LHFPL1: variants seen among roughly 807,000 people sequenced by gnomAD.
The protein encoded by LHFPL1 is LHFPL tetraspan subfamily member 1, also known as LHFPL tetraspan subfamily member 1 protein.
A neutral mutation model predicts 12.1 loss-of-function variants in LHFPL1; 4 were observed. The observed-to-expected ratio is 0.33, with a 90% CI of 0.16 to 0.76. The LOEUF is 0.76. Ranked by LOEUF, LHFPL1 falls within the 30% of genes least tolerant of loss-of-function variation. The probability of loss-of-function intolerance (pLI) is 0.61; values close to 1 mark genes in which losing one functional copy is unlikely to be tolerated. For missense variants in LHFPL1, 141 were observed against 174.1 expected, an observed-to-expected ratio of 0.81 and a Z score of 1.07; for synonymous variants, 52 against 61.9, an observed-to-expected ratio of 0.84 and a Z score of 0.75.
chrX:112,645,734 T>C (rs1930666514), intron 3 of LHFPL1, among the ~76,000 whole-genome samples: 1 of 112,122 alleles, frequency 8.9e-6, no homozygotes, highest in African/African-American at 3.2e-5. Flanking sequence ...ATCAAGTCCA[T>C]AAAATCTTCA....
chrX:112,664,611 G>T (rs1234495276), intron 2 of LHFPL1, among the ~76,000 whole-genome samples: 3 of 106,368 alleles, frequency 2.8e-5, no homozygotes, highest in Non-Finnish European at 5.8e-5. Flanking sequence ...CTCCCTTTTA[G>T]ACAGGTGAGC....
At chrX:112,654,340 A>C (rs1418104324) in intron 3 of LHFPL1, among the ~76,000 whole-genome samples, 2 of 111,240 alleles carry the variant, frequency 1.8e-5, no homozygotes, top group Non-Finnish European at 3.8e-5. Context: ...CACAGACAAA[A>C]ATCTATGCCC....
chrX:112,675,576 A>G (rs1228827595), intron 1 of LHFPL1, among the ~76,000 whole-genome samples: 3 of 112,483 alleles, frequency 2.7e-5, no homozygotes, highest in African/African-American at 9.7e-5. Flanking sequence ...GTCCTTCAGA[A>G]TTTAGATGAA....
chrX:112,663,403 C>T (rs1428449119), intron 2 of LHFPL1, among the ~76,000 whole-genome samples: 2 of 111,437 alleles, frequency 1.8e-5, no homozygotes, highest in African/African-American at 6.5e-5. Flanking sequence ...AGAGTATGCA[C>T]AGTCTATATA....
chrX:112,666,304 C>A (rs1413055234), intron 2 of LHFPL1, among the ~76,000 whole-genome samples: 1 of 110,926 alleles, frequency 9.0e-6, no homozygotes, highest in Non-Finnish European at 1.9e-5. Flanking sequence ...CACTTACCAC[C>A]CCCCCAGCCC....
At position 112,631,649 on chromosome X, in the gene LHFPL1, T is replaced by A. The variant is rs745625702; in HGVS notation, c.482-48A>T. On this transcript the variant is annotated intron_variant, in intron 3 of 3. Transcript: ENST00000371968. ...TGAGGATTGGGTTGTCTTTTCATAT[T>A]TTCTCTTTGGTAATGAACTATAGAA... The A allele has an allele frequency of 1.4e-5, 13 of 961,005 alleles. No individual in the cohort carries two copies. In the South Asian group the frequency reaches 2.9e-4, roughly 21 times the overall value. 79.2% of individuals were successfully genotyped at this position (961,005 alleles called of 1,213,427 possible).
intron 3 of LHFPL1, among the ~76,000 whole-genome samples, chrX:112,652,648 G>A (rs1012824903): frequency 8.9e-6 from 1 of 111,821 alleles, no homozygotes; most frequent in African/African-American, 3.2e-5. Context: ...TGATAGCTAA[G>A]ATCTATTTTG....
chrX:112,674,259 A>T (rs1439705613), intron 1 of LHFPL1, among the ~76,000 whole-genome samples: 1 of 111,659 alleles, frequency 9.0e-6, no homozygotes, highest in South Asian at 3.7e-4. Flanking sequence ...ATGAAACTGG[A>T]TCCTTATCTC....
intron 3 of LHFPL1, among the ~76,000 whole-genome samples, chrX:112,647,383 C>T (rs1234341214): frequency 2.7e-5 from 3 of 111,801 alleles, no homozygotes; most frequent in Non-Finnish European, 5.6e-5. Context: ...TCAGAGTGAA[C>T]AGGCAACCTA....
At chrX:112,635,155 G>A (rs1362908201) in intron 3 of LHFPL1, among the ~76,000 whole-genome samples, 1 of 111,962 alleles carries the variant, frequency 8.9e-6, no homozygotes, top group Non-Finnish European at 1.9e-5. Flanking sequence ...TTGCCTTTTA[G>A]TGAAGTCCTA....
chrX:112,641,405 G>T (rs779507791), intron 3 of LHFPL1, among the ~76,000 whole-genome samples: 1 of 112,014 alleles, frequency 8.9e-6, no homozygotes, highest in Non-Finnish European at 1.9e-5. Context: ...AGAAAATAGA[G>T]ACTGAGCCCA....
At chrX:112,634,635 G>A (rs773077164) in intron 3 of LHFPL1, among the ~76,000 whole-genome samples, 33 of 111,743 alleles carry the variant, frequency 3.0e-4, no homozygotes, top group African/African-American at 1.1e-3. Context: ...TTAGCCCAAA[G>A]CCCTAGGCAG....
chrX:112,654,360 ATGT>A (rs1292588506), intron 3 of LHFPL1, among the ~76,000 whole-genome samples: 1 of 111,125 alleles, frequency 9.0e-6, no homozygotes, highest in Admixed American at 9.6e-5. Flanking sequence ...CTCACAGAGC[ATGT>A]TATTATGTTA....
intron 3 of LHFPL1, among the ~76,000 whole-genome samples, chrX:112,656,684 C>T (rs932914736): frequency 2.7e-5 from 3 of 112,210 alleles, no homozygotes; most frequent in Admixed American, 1.9e-4. Flanking sequence ...GGATACAAGG[C>T]CAACATGCAA....
intron 2 of LHFPL1, chrX:112,661,815 G>A (rs1192678603): frequency 1.8e-5 from 2 of 112,370 alleles, no homozygotes; most frequent in Non-Finnish European, 3.7e-5. Context: ...CTAGTTAACA[G>A]ATAATGCAGA....
intron 2 of LHFPL1, among the ~76,000 whole-genome samples, chrX:112,664,020 A>T (rs1931261710): frequency 8.9e-6 from 1 of 112,155 alleles, no homozygotes. Context: ...ACCTGTGCAT[A>T]CTCAAATCCC....
chrX:112,649,320 T>C (rs1930786564), intron 3 of LHFPL1, among the ~76,000 whole-genome samples: 1 of 112,438 alleles, frequency 8.9e-6, no homozygotes. Context: ...CTTCTTTTTA[T>C]CTGTCATCTG....
intron 2 of LHFPL1, among the ~76,000 whole-genome samples, chrX:112,661,133 C>A (rs910784036): frequency 1.8e-5 from 2 of 110,968 alleles, no homozygotes; most frequent in African/African-American, 3.3e-5. Flanking sequence ...CAGGCAGGTC[C>A]CTACCAGCTG....
intron 3 of LHFPL1, among the ~76,000 whole-genome samples, chrX:112,634,913 C>G (rs778884372): frequency 3.8e-5 from 4 of 104,224 alleles, no homozygotes; most frequent in Non-Finnish European, 5.9e-5. Flanking sequence ...CCCCACAACT[C>G]TACCTGTTAT....
Sources: allele counts gnomAD v4.1 joint callset (sites outside exome capture counted in the v4.1 genomes callset), GRCh38; gene constraint gnomAD v4.1.1; transcripts MANE v1.5; gene names NCBI Gene and HGNC (gene_info 2026-07-23, HGNC 2026-07-21).